Variants in ACOXL observed in about 807,000 individuals in gnomAD.
ACOXL encodes the protein acyl-coenzyme A oxidase-like protein.
In ACOXL, 70 loss-of-function variants were observed where a neutral mutation model predicts 71.9. The observed-to-expected ratio is 0.97, with a 90% CI of 0.80 to 1.19. The LOEUF is 1.19. ACOXL is among the 50% of genes most tolerant of loss of function. The pLI, the probability that ACOXL is intolerant of heterozygous loss-of-function variation, is 0.00. For missense variants in ACOXL, 703 were observed against 736.3 expected (o/e 0.95, Z 0.52); for synonymous variants, 253 against 281.6 (o/e 0.90, Z 1.02).
chr2:110,950,545 G>A (rs1401869991), intron 12 of ACOXL, among the ~76,000 whole-genome samples: 1 of 152,084 alleles, frequency 6.6e-6, no homozygotes, highest in Non-Finnish European at 1.5e-5. Flanking sequence ...GGGCCAATTT[G>A]CCAAATTTTG....
chr2:110,920,779 A>G (rs2060037393), intron 11 of ACOXL, among the ~76,000 whole-genome samples: 2 of 151,998 alleles, frequency 1.3e-5, no homozygotes. Context: ...CAATTTGGGG[A>G]TAGTCTGCCT....
chr2:110,951,511 C>T (rs1574256193), intron 12 of ACOXL, among the ~76,000 whole-genome samples: 2 of 152,244 alleles, frequency 1.3e-5, no homozygotes, highest in South Asian at 4.1e-4. Context: ...ATAACAGGCA[C>T]CTGTATTTTA....
At chr2:111,103,914 A>T (rs1264202977) in intron 17 of ACOXL, among the ~76,000 whole-genome samples, 2 of 152,182 alleles carry the variant, frequency 1.3e-5, no homozygotes, top group Non-Finnish European at 2.9e-5. Context: ...ATACAATGAC[A>T]TTGATACAGT....
intron 10 of ACOXL, among the ~76,000 whole-genome samples, chr2:110,855,090 G>GA (rs1693075888): frequency 6.6e-6 from 1 of 152,212 alleles, no homozygotes; most frequent in East Asian, 1.9e-4. Flanking sequence ...ATTAGGTGTT[G>GA]GAGGCAAAAC....
At chr2:110,808,988 G>A (rs1686994645) in intron 9 of ACOXL, among the ~76,000 whole-genome samples, 1 of 152,192 alleles carries the variant, frequency 6.6e-6, no homozygotes, top group Non-Finnish European at 1.5e-5. Context: ...GAGTGAATGA[G>A]GTCTGAATCA....
intron 10 of ACOXL, among the ~76,000 whole-genome samples, chr2:110,855,785 C>G (rs974821208): frequency 6.6e-6 from 1 of 152,176 alleles, no homozygotes; most frequent in Non-Finnish European, 1.5e-5. Context: ...AATGAAGCCG[C>G]GGACCTTCGC....
chr2:110,861,405 G>A (rs576096109), intron 10 of ACOXL, among the ~76,000 whole-genome samples: 1 of 152,128 alleles, frequency 6.6e-6, no homozygotes, highest in East Asian at 1.9e-4. Flanking sequence ...GCTTTTCCCG[G>A]TGGGACAGAA....
At chr2:110,803,404 G>C (rs1686230142) in intron 8 of ACOXL, among the ~76,000 whole-genome samples, 1 of 152,178 alleles carries the variant, frequency 6.6e-6, no homozygotes, top group Non-Finnish European at 1.5e-5. Context: ...GCAGAGCCAA[G>C]ACAATTCAAT....
intron 11 of ACOXL, among the ~76,000 whole-genome samples, chr2:110,921,252 A>G (rs778430254): frequency 4.6e-5 from 7 of 151,306 alleles, no homozygotes; most frequent in African/African-American, 9.7e-5. Flanking sequence ...TGCTTTTTCC[A>G]TATTTTATGT....
intron 15 of ACOXL, among the ~76,000 whole-genome samples, chr2:111,040,725 C>T (rs1200053754): frequency 6.6e-6 from 1 of 152,186 alleles, no homozygotes; most frequent in Non-Finnish European, 1.5e-5. Context: ...TAGAATTTAG[C>T]TATCTGGAAG....
At chr2:111,076,253 T>C (rs918287168) in intron 16 of ACOXL, among the ~76,000 whole-genome samples, 11 of 152,212 alleles carry the variant, frequency 7.2e-5, no homozygotes, top group African/African-American at 2.4e-4. Flanking sequence ...CTGTCTGGTT[T>C]TTGCTTAGTA....
In ACOXL at chr2:110,946,973, G is replaced by A. The variant is rs182227036; in HGVS notation, c.1059+13331G>A. Reference sequence around the variant, plus strand: ...GAGTTGGCAGAACTCTGCTCTTGGCGTGCAGCTGTGACATTCCCAGTGGCC... The same window carrying A: ...GAGTTGGCAGAACTCTGCTCTTGGCATGCAGCTGTGACATTCCCAGTGGCC... On this transcript the variant is annotated intron_variant, in intron 12 of 17. Coordinates refer to ENST00000439055, the MANE Select transcript of ACOXL (RefSeq NM_001142807.4). Among the ~76,000 whole-genome samples the A allele has an allele frequency of 6.4e-4, 97 of 152,304 alleles. 2 individuals carry two copies. The highest frequency in any genetic ancestry group is 4.1e-3 in the Admixed American group (62 of 15,296).
At chr2:111,029,522 G>A (rs1009335741) in intron 14 of ACOXL, among the ~76,000 whole-genome samples, 5 of 152,338 alleles carry the variant, frequency 3.3e-5, no homozygotes, top group African/African-American at 4.8e-5. Flanking sequence ...CCATCTGGGC[G>A]TGAGGATCAC....
intron 12 of ACOXL, among the ~76,000 whole-genome samples, chr2:110,953,527 A>G (rs1443279647): frequency 6.6e-6 from 1 of 152,106 alleles, no homozygotes; most frequent in East Asian, 1.9e-4. Context: ...TCTTAGTGGC[A>G]TTATTCAAAT....
chr2:110,839,844 G>A (rs1178573411), intron 9 of ACOXL, among the ~76,000 whole-genome samples: 1 of 152,146 alleles, frequency 6.6e-6, no homozygotes, highest in Non-Finnish European at 1.5e-5. Flanking sequence ...ACAGCACCAT[G>A]AATGTTACTT....
intron 16 of ACOXL, among the ~76,000 whole-genome samples, chr2:111,056,397 C>G (rs1168433954): frequency 6.6e-6 from 1 of 152,088 alleles, no homozygotes; most frequent in East Asian, 1.9e-4. Context: ...CTCAAACCAA[C>G]CCCCCAAATT....
intron 9 of ACOXL, among the ~76,000 whole-genome samples, chr2:110,839,714 C>T (rs7558720): frequency 0.076 from 11,534 of 152,136 alleles, 623 homozygotes; most frequent in Admixed American, 0.15. Flanking sequence ...TTCTGCAGGA[C>T]GTCGAGCTGG....
At chr2:110,855,155 A>G (rs1693083380) in intron 10 of ACOXL, among the ~76,000 whole-genome samples, 1 of 152,196 alleles carries the variant, frequency 6.6e-6, no homozygotes, top group South Asian at 2.1e-4. Context: ...TCTTTTTTGT[A>G]TACCTGAAAG....
intron 10 of ACOXL, among the ~76,000 whole-genome samples, chr2:110,873,308 A>T (rs936183517): frequency 6.6e-6 from 1 of 151,488 alleles, no homozygotes; most frequent in Non-Finnish European, 1.5e-5. Context: ...CCAGTGGGAG[A>T]TCTGGGAGGA....
Sources: allele counts gnomAD v4.1 joint callset (sites outside exome capture counted in the v4.1 genomes callset), GRCh38; gene constraint gnomAD v4.1.1; transcripts MANE v1.5; gene names NCBI Gene and HGNC (gene_info 2026-07-23, HGNC 2026-07-21).